PSD3: variants seen among roughly 807,000 people sequenced by gnomAD.
The protein encoded by PSD3 is PH and SEC7 domain-containing protein 3.
PSD3 carries 49 observed loss-of-function variants against 105.5 expected under a neutral mutation model. That is an observed-to-expected ratio of 0.46 (90% CI 0.37 to 0.59). PSD3 has a LOEUF of 0.59. Ranked by LOEUF, PSD3 falls within the 20% of genes least tolerant of loss-of-function variation. The pLI, the probability that PSD3 is intolerant of heterozygous loss-of-function variation, is 0.00. For synonymous variants in PSD3, 557 were observed against 457.8 expected, an observed-to-expected ratio of 1.22 and a Z score of -2.77; for missense variants, 1,561 against 1,263.8, an observed-to-expected ratio of 1.24 and a Z score of -3.57.
chr8:18,654,804 T>C (rs1808766981), intron 10 of PSD3, among the ~76,000 whole-genome samples: 1 of 152,194 alleles, frequency 6.6e-6, no homozygotes, highest in South Asian at 2.1e-4. Context: ...CCAAGCTTAT[T>C]CCATTCAGAG....
intron 11 of PSD3, among the ~76,000 whole-genome samples, chr8:18,615,877 C>G (rs1236536689): frequency 1.3e-5 from 2 of 152,134 alleles, no homozygotes; most frequent in Non-Finnish European, 2.9e-5. Context: ...ACTAGCAATT[C>G]AAATAAGCTA....
At chr8:18,669,263 TG>T (rs1799644170) in intron 9 of PSD3, among the ~76,000 whole-genome samples, 1 of 152,222 alleles carries the variant, frequency 6.6e-6, no homozygotes, top group African/African-American at 2.4e-5. Flanking sequence ...TCCCGATCCT[TG>T]GGGGAATATG....
intron 9 of PSD3, among the ~76,000 whole-genome samples, chr8:18,709,126 G>T (rs1420602273): frequency 1.3e-5 from 2 of 152,158 alleles, no homozygotes; most frequent in African/African-American, 4.8e-5. Flanking sequence ...AGGGGTGGCT[G>T]CCATCACTGT....
intron 11 of PSD3, among the ~76,000 whole-genome samples, chr8:18,616,618 C>CTCTTTTTT (rs1805689125): frequency 1.4e-5 from 1 of 72,314 alleles, no homozygotes; most frequent in Non-Finnish European, 3.0e-5. Context: ...ATCTTCCTCT[C>CTCTTTTTT]TTTTCTTTTC....
intron 9 of PSD3, among the ~76,000 whole-genome samples, chr8:18,675,915 G>A (rs1281696498): frequency 1.3e-5 from 2 of 152,034 alleles, no homozygotes; most frequent in Admixed American, 6.6e-5. Context: ...ACTCTAAGCT[G>A]GACGCAATCC....
chr8:18,935,963 G>C, intron 2 of PSD3, 71 bp downstream of exon 2: 1 of 946,888 alleles, frequency 1.1e-6, no homozygotes. Flanking sequence ...AATGCAGGTG[G>C]AGAAAAATCA....
intron 4 of PSD3, among the ~76,000 whole-genome samples, chr8:18,819,998 T>C (rs1446017415): frequency 6.6e-6 from 1 of 152,218 alleles, no homozygotes; most frequent in African/African-American, 2.4e-5. Flanking sequence ...AATTGATGTT[T>C]ACAGTGTCTT....
chr8:18,761,906 C>A (rs1306832169), intron 9 of PSD3, among the ~76,000 whole-genome samples: 1 of 152,108 alleles, frequency 6.6e-6, no homozygotes, highest in Non-Finnish European at 1.5e-5. Context: ...GTGAATCATA[C>A]CAGATGATCT....
intron 1 of PSD3, among the ~76,000 whole-genome samples, chr8:19,056,090 T>C (rs2129477371): frequency 6.6e-6 from 1 of 152,384 alleles, no homozygotes; most frequent in Middle Eastern, 3.4e-3. Context: ...TTGCTATTCT[T>C]TGACTTTTAA....
intron 9 of PSD3, among the ~76,000 whole-genome samples, chr8:18,678,563 A>G (rs1800197336): frequency 6.6e-6 from 1 of 152,210 alleles, no homozygotes; most frequent in South Asian, 2.1e-4. Flanking sequence ...TATAATCCCA[A>G]CGCTTTGGGA....
At chr8:18,801,456 A>G (rs540451379) in intron 6 of PSD3, 74 bp from the exon 7 acceptor site, 1 of 796,048 alleles carries the variant, frequency 1.3e-6, no homozygotes, top group Non-Finnish European at 2.1e-6. Context: ...TTAAAAGTCA[A>G]TTTATATAAA....
At chr8:18,821,719 C>CACACACACACACACA (rs1563312321) in intron 4 of PSD3, among the ~76,000 whole-genome samples, 6 of 20,236 alleles carry the variant, frequency 3.0e-4, no homozygotes, top group African/African-American at 5.8e-4. Flanking sequence ...ACACACACAC[C>CACACACACACACACA]CCAATAACAA....
intron 4 of PSD3, chr8:18,865,327 C>A (rs2129456268): frequency 7.9e-6 from 1 of 126,930 alleles, no homozygotes; most frequent in South Asian, 2.6e-4. Context: ...ATCTGAGGCC[C>A]CTTCAAGTAG....
At chr8:18,677,966 G>GGC (rs1800162471) in intron 9 of PSD3, among the ~76,000 whole-genome samples, 4 of 148,134 alleles carry the variant, frequency 2.7e-5, no homozygotes, top group Non-Finnish European at 5.9e-5. Flanking sequence ...GCCGAGATCA[G>GGC]GCCACTGCAC....
chr8:18,665,439 C>T (rs1371672537), intron 9 of PSD3, among the ~76,000 whole-genome samples: 2 of 152,180 alleles, frequency 1.3e-5, no homozygotes, highest in South Asian at 4.1e-4. Context: ...GCTGCAATCT[C>T]ATGGTAAAAC....
At chr8:18,634,976 G>C (rs1437418960) in intron 10 of PSD3, among the ~76,000 whole-genome samples, 1 of 151,972 alleles carries the variant, frequency 6.6e-6, no homozygotes, top group Non-Finnish European at 1.5e-5. Flanking sequence ...TTATTATTAC[G>C]GTGTTTTAAA....
intron 4 of PSD3, among the ~76,000 whole-genome samples, chr8:18,842,250 C>G (rs1158788038): frequency 1.3e-5 from 2 of 152,236 alleles, no homozygotes; most frequent in Non-Finnish European, 2.9e-5. Flanking sequence ...TGTGAATTCC[C>G]ATAAACCCAA....
intron 9 of PSD3, among the ~76,000 whole-genome samples, chr8:18,731,290 T>C (rs1223116121): frequency 2.0e-5 from 3 of 152,048 alleles, no homozygotes; most frequent in Non-Finnish European, 2.9e-5. Context: ...CTTCATCACA[T>C]AGCAAAACAT....
At chr8:18,844,228 T>A (rs1276927453) in intron 4 of PSD3, among the ~76,000 whole-genome samples, 1 of 152,204 alleles carries the variant, frequency 6.6e-6, no homozygotes, top group Non-Finnish European at 1.5e-5. Context: ...AATACGAAGG[T>A]ACCATGGAAA....
Sources: gnomAD v4.1 joint callset for allele counts (sites outside exome capture counted in the v4.1 genomes callset) on GRCh38, gnomAD v4.1.1 for gene constraint, MANE v1.5 for transcripts, NCBI Gene and HGNC (gene_info 2026-07-23, HGNC 2026-07-21) for gene names.